CSMD2: variants seen among roughly 807,000 people sequenced by gnomAD.
The protein encoded by CSMD2 is CUB and Sushi multiple domains 2.
A neutral mutation model predicts 398.5 loss-of-function variants in CSMD2; 130 were observed. The observed-to-expected ratio is 0.33, with a 90% CI of 0.28 to 0.38. The LOEUF is 0.38. CSMD2 is among the 10% of genes least tolerant of loss of function. The pLI is 1.00. For missense variants in CSMD2, 3,829 were observed against 4,764.9 expected, an observed-to-expected ratio of 0.80 and a Z score of 5.78; for synonymous variants, 1,828 against 1,908.5, an observed-to-expected ratio of 0.96 and a Z score of 1.10.
chr1:33,962,999 A>G (rs1391943923), intron 3 of CSMD2, among the ~76,000 whole-genome samples: 1 of 152,202 alleles, frequency 6.6e-6, no homozygotes, highest in African/African-American at 2.4e-5. Flanking sequence ...CCCTCAGTAA[A>G]TATCTGTGAA....
intron 12 of CSMD2, among the ~76,000 whole-genome samples, chr1:33,775,887 G>T (rs1400706614): frequency 3.9e-5 from 6 of 152,210 alleles, no homozygotes; most frequent in Non-Finnish European, 5.9e-5. Context: ...GGAGAGTGGG[G>T]TCACAGGAGC....
intron 2 of CSMD2, among the ~76,000 whole-genome samples, chr1:34,079,917 T>C (rs982496546): frequency 3.3e-5 from 5 of 152,054 alleles, no homozygotes; most frequent in Admixed American, 6.5e-5. Flanking sequence ...TACCAAAAAA[T>C]ATGAGTGAAC....
intron 24 of CSMD2, among the ~76,000 whole-genome samples, chr1:33,694,671 C>T (rs1645358170): frequency 6.6e-6 from 1 of 152,176 alleles, no homozygotes; most frequent in South Asian, 2.1e-4. Flanking sequence ...TCAATTAAGC[C>T]TCTTTTCTTT....
intron 5 of CSMD2, among the ~76,000 whole-genome samples, 189 bp from the exon 6 acceptor site, chr1:33,847,185 A>G (rs1324261162): frequency 6.6e-6 from 1 of 152,092 alleles, no homozygotes; most frequent in Non-Finnish European, 1.5e-5. Context: ...TGGCTCCTCC[A>G]GGGTCTCATC....
At chr1:34,147,678 A>G (rs1164362936) in intron 1 of CSMD2, among the ~76,000 whole-genome samples, 3 of 151,046 alleles carry the variant, frequency 2.0e-5, no homozygotes, top group Admixed American at 6.6e-5. Context: ...TTAGTGTATT[A>G]TTAAGACACA....
intron 25 of CSMD2, among the ~76,000 whole-genome samples, chr1:33,671,396 G>A (rs553320639): frequency 1.3e-5 from 2 of 152,140 alleles, no homozygotes; most frequent in South Asian, 2.1e-4. Context: ...GTCTCACTGG[G>A]CCCCTGGTTC....
At chr1:34,052,821 A>G (rs967382133) in intron 2 of CSMD2, among the ~76,000 whole-genome samples, 9 of 152,092 alleles carry the variant, frequency 5.9e-5, no homozygotes, top group Non-Finnish European at 1.2e-4. Flanking sequence ...AAGTGTTTCG[A>G]GAAGAATTAG....
At chr1:33,952,828 C>T (rs1414493075) in intron 3 of CSMD2, among the ~76,000 whole-genome samples, 1 of 152,172 alleles carries the variant, frequency 6.6e-6, no homozygotes, top group Non-Finnish European at 1.5e-5. Flanking sequence ...TTTCTTGAAT[C>T]AACGACTCTA....
At chr1:33,719,878 G>T (rs1187397085) in intron 19 of CSMD2, among the ~76,000 whole-genome samples, 2 of 152,194 alleles carry the variant, frequency 1.3e-5, no homozygotes, top group Non-Finnish European at 2.9e-5. Flanking sequence ...GCAACAGAAG[G>T]CATTCCCTTT....
chr1:33,524,798 T>C (rs1654623973), intron 66 of CSMD2, 84 bp downstream of exon 66: 2 of 1,387,308 alleles, frequency 1.4e-6, no homozygotes, highest in Admixed American at 3.7e-5. Flanking sequence ...CATGACAGTA[T>C]GATGCAATGC....
intron 4 of CSMD2, among the ~76,000 whole-genome samples, chr1:33,923,131 C>A (rs1038274159): frequency 6.6e-6 from 1 of 151,840 alleles, no homozygotes; most frequent in Non-Finnish European, 1.5e-5. Flanking sequence ...ATGGGGTATG[C>A]GTGTTATTTT....
At chr1:33,666,193 C>T (rs1283030802) in intron 25 of CSMD2, among the ~76,000 whole-genome samples, 1 of 152,096 alleles carries the variant, frequency 6.6e-6, no homozygotes, top group Non-Finnish European at 1.5e-5. Flanking sequence ...GATTTTTTCC[C>T]TAAAACTTAC....
At position 33,628,839 on chromosome 1, in the gene CSMD2, A is replaced by G. The variant is rs190017202; in HGVS notation, c.5201-2258T>C. ...CAACAACAAAAAAAGAAAATCACAT[A>G]GACAGAAAAGCACAGGTTACTTACA... On this transcript the variant is annotated intron_variant, in intron 32 of 70. Transcript: ENST00000373381. Among the ~76,000 whole-genome samples the G allele has an allele frequency of 3.2e-3, 493 of 152,222 alleles. 4 individuals carry two copies. The highest frequency in any genetic ancestry group is 0.011 in the African/African-American group (473 of 41,478).
intron 1 of CSMD2, among the ~76,000 whole-genome samples, chr1:34,151,872 T>C (rs1640359410): frequency 1.4e-5 from 2 of 145,348 alleles, no homozygotes; most frequent in African/African-American, 2.6e-5. Context: ...CAGGGTCTTC[T>C]AATTCTGTCA....
chr1:33,950,423 G>GAGAGAGAGAGAGA (rs1553260577), intron 3 of CSMD2, among the ~76,000 whole-genome samples: 5 of 143,302 alleles, frequency 3.5e-5, no homozygotes, highest in African/African-American at 1.1e-4. Context: ...GAGAGAGAGA[G>GAGAGAGAGAGAGA]GAGAGTTTGT....
intron 5 of CSMD2, chr1:33,864,672 C>G (rs192690973): frequency 1.2e-6 from 2 of 1,613,648 alleles, no homozygotes; most frequent in Non-Finnish European, 1.7e-6. Flanking sequence ...TGAACTCTAC[C>G]GTAAACAATG....
rs767358178 is a variant in CSMD2 at position 33,772,649 on chromosome 1, G to A, written c.1766C>T (p.Pro589Leu). 1.1e-5 allele frequency: 17 copies of A among 1,613,994 alleles called. No homozygotes were observed. In the African/African-American group the frequency reaches 2.0e-4, roughly 19 times the overall value. The change falls in exon 13 of 71, where the codon CCC (proline) becomes CTC (leucine). Residue 589 changes from proline (P) to leucine (L), a missense_variant. By Grantham distance (98) the Pro-to-Leu change is moderately conservative. Transcript: ENST00000373381. ...CTTCTGTCCCACCAGCTCAAAGGCG[G>A]GCTGGCACTCAAACTTGAGTGTGTC... ...HGDTLKFECQPAFELVGQKAI... is the reference protein window; with the variant it reads ...HGDTLKFECQLAFELVGQKAI...
In CSMD2 at chr1:33,653,902, G is replaced by T. The variant is rs373701987; in HGVS notation, c.4448-1441C>A. ...GAGTCTTTGTGGGGGGAGCAAAAGG[G>T]TATACCTGACTCCAAAGTTAGGAGC... On this transcript the variant is annotated intron_variant, in intron 27 of 70. Transcript: ENST00000373381. Among the ~76,000 whole-genome samples, 266 of 152,284 alleles carry T rather than the reference G, an allele frequency of 1.7e-3. 10 individuals carry two copies. The South Asian group carries it at 0.047, about 27-fold the overall frequency.
chr1:33,557,587 T>A, intron 55 of CSMD2, 147 bp downstream of exon 55: 1 of 744,734 alleles, frequency 1.3e-6, no homozygotes, highest in East Asian at 2.8e-5. Context: ...CCAGAGTGAC[T>A]GTCACCATAA....
Sources: allele counts gnomAD v4.1 joint callset (sites outside exome capture counted in the v4.1 genomes callset), GRCh38; gene constraint gnomAD v4.1.1; transcripts MANE v1.5; gene names NCBI Gene and HGNC (gene_info 2026-07-23, HGNC 2026-07-21).